The following ST6GALNAC3 variants were observed in gnomAD, a reference collection of about 807,000 sequenced individuals.
ST6GALNAC3 encodes alpha-N-acetylgalactosaminide alpha-2,6-sialyltransferase 3.
Under a neutral mutation model 32.7 loss-of-function variants are expected in ST6GALNAC3, and 25 were observed. That is an observed-to-expected ratio of 0.76 (90% CI 0.56 to 1.07). The LOEUF (loss-of-function observed/expected upper bound fraction) is 1.07. ST6GALNAC3 is among the 50% of genes least tolerant of loss of function. ST6GALNAC3 has a pLI of 0.00. For missense variants in ST6GALNAC3, 355 were observed against 382.4 expected (o/e 0.93, Z 0.60); for synonymous variants, 129 against 133.1 (o/e 0.97, Z 0.21).
intron 3 of ST6GALNAC3, among the ~76,000 whole-genome samples, chr1:76,490,348 T>C (rs893037256): frequency 2.0e-5 from 3 of 151,948 alleles, no homozygotes; most frequent in Non-Finnish European, 4.4e-5. Flanking sequence ...AAATCTGCAT[T>C]TAGTAGGTTG....
intron 1 of ST6GALNAC3, among the ~76,000 whole-genome samples, chr1:76,210,390 T>G (rs1045723314): frequency 6.6e-6 from 1 of 152,228 alleles, no homozygotes; most frequent in African/African-American, 2.4e-5. Flanking sequence ...ACATTTCTAT[T>G]TAGCAGGTGT....
chr1:76,509,032 T>C lies in ST6GALNAC3; in HGVS notation c.623+96615T>C, dbSNP rs1661663651. Among the ~76,000 whole-genome samples, 1 of 152,066 alleles carries C rather than the reference T, an allele frequency of 6.6e-6. No individual in the cohort carries two copies. The highest frequency in any genetic ancestry group is 2.4e-5 in the African/African-American group (1 of 41,390). On this transcript the variant is annotated intron_variant, in intron 3 of 4. Coordinates refer to ENST00000328299, the MANE Select transcript of ST6GALNAC3 (RefSeq NM_152996.4). This position sits in a 1 kb window ranked among gnomAD's most constrained non-coding sequence, Gnocchi z 5.5. ...AGGTCTGGGATGCTTCTAACATGAG[T>C]CTAAGAGTTGAACAGCTTGTCATTT...
At chr1:76,468,719 TAAGGG>T (rs1658819159) in intron 3 of ST6GALNAC3, among the ~76,000 whole-genome samples, 1 of 152,046 alleles carries the variant, frequency 6.6e-6, no homozygotes, top group Non-Finnish European at 1.5e-5. Flanking sequence ...GCTAAGGGAC[TAAGGG>T]ATTCCCTGTC....
At chr1:76,573,399 G>C (rs1299158426) in intron 3 of ST6GALNAC3, among the ~76,000 whole-genome samples, 1 of 152,054 alleles carries the variant, frequency 6.6e-6, no homozygotes, top group Non-Finnish European at 1.5e-5. Flanking sequence ...CCAACACCCA[G>C]AGTGGTGTTC....
At chr1:76,300,442 G>A (rs983564370) in intron 1 of ST6GALNAC3, among the ~76,000 whole-genome samples, 1 of 151,904 alleles carries the variant, frequency 6.6e-6, no homozygotes, top group Admixed American at 6.6e-5. Flanking sequence ...AAACTCAGGA[G>A]CCAGCAGTGA....
chr1:76,097,749 A>T (rs1647160016), intron 1 of ST6GALNAC3, among the ~76,000 whole-genome samples: 1 of 152,072 alleles, frequency 6.6e-6, no homozygotes, highest in Non-Finnish European at 1.5e-5. Context: ...TTGGCCATTG[A>T]TGCATATTTG....
intron 3 of ST6GALNAC3, among the ~76,000 whole-genome samples, chr1:76,427,033 G>A (rs1655440981): frequency 6.6e-6 from 1 of 152,038 alleles, no homozygotes; most frequent in African/African-American, 2.4e-5. Flanking sequence ...AATGATTACT[G>A]TTTGGCTTTT....
At chr1:76,220,173 G>A (rs1455320504) in intron 1 of ST6GALNAC3, among the ~76,000 whole-genome samples, 1 of 152,110 alleles carries the variant, frequency 6.6e-6, no homozygotes, top group Non-Finnish European at 1.5e-5. Flanking sequence ...AATTTCACCA[G>A]AAGTATGAAG....
chr1:76,088,247 C>A (rs1251576), intron 1 of ST6GALNAC3, among the ~76,000 whole-genome samples: 1 of 151,958 alleles, frequency 6.6e-6, no homozygotes, highest in Non-Finnish European at 1.5e-5. Context: ...ACAGATGCGC[C>A]TATGACCACA....
chr1:76,460,452 C>T (rs1658203384), intron 3 of ST6GALNAC3, among the ~76,000 whole-genome samples: 1 of 152,176 alleles, frequency 6.6e-6, no homozygotes, highest in South Asian at 2.1e-4. Flanking sequence ...TCTTTGTCCA[C>T]TATTCACTAA....
chr1:76,577,648 G>C (rs1646831533), intron 3 of ST6GALNAC3, among the ~76,000 whole-genome samples: 1 of 151,928 alleles, frequency 6.6e-6, no homozygotes, highest in Non-Finnish European at 1.5e-5. Context: ...CACCCTCAGA[G>C]CATCAAGGCA....
At chr1:76,131,016 C>A (rs1359444546) in intron 1 of ST6GALNAC3, among the ~76,000 whole-genome samples, 1 of 152,240 alleles carries the variant, frequency 6.6e-6, no homozygotes, top group East Asian at 1.9e-4. Flanking sequence ...TTTGTGCCAC[C>A]TTGACAAGGG....
At chr1:76,225,771 G>A (rs1474555636) in intron 1 of ST6GALNAC3, among the ~76,000 whole-genome samples, 2 of 152,160 alleles carry the variant, frequency 1.3e-5, no homozygotes, top group Admixed American at 6.6e-5. Flanking sequence ...AAATTGGGAT[G>A]AGAGGCAATG....
intron 2 of ST6GALNAC3, among the ~76,000 whole-genome samples, chr1:76,385,472 ACTCTCTGC>A (rs887625658): frequency 1.3e-5 from 2 of 152,038 alleles, no homozygotes; most frequent in African/African-American, 4.8e-5. Context: ...AGTCACTTAA[ACTCTCTGC>A]ATCTCAGTTT....
chr1:76,367,066 A>G (rs1481385563), intron 2 of ST6GALNAC3, among the ~76,000 whole-genome samples: 2 of 152,214 alleles, frequency 1.3e-5, no homozygotes, highest in Non-Finnish European at 2.9e-5. Flanking sequence ...ACTACAGAAA[A>G]GAGAACATTA....
chr1:76,219,290 C>T lies in ST6GALNAC3; in HGVS notation c.19-94515C>T, dbSNP rs561424259. The stretch of plus-strand genomic sequence containing the variant: ...CAAGGTTGAATAATCTTTCTTTCTT[C>T]TCTCTTAGCTATTTCCCAGCCCCTC... On this transcript the variant is annotated intron_variant, in intron 1 of 4. Coordinates refer to ENST00000328299, the MANE Select transcript of ST6GALNAC3 (RefSeq NM_152996.4). Among the ~76,000 whole-genome samples the T allele has an allele frequency of 5.9e-5, 9 of 152,312 alleles. No homozygotes were observed. In the South Asian group the frequency reaches 1.9e-3, roughly 32 times the overall value.
At chr1:76,600,678 G>A (rs539057386) in intron 3 of ST6GALNAC3, among the ~76,000 whole-genome samples, 11 of 152,186 alleles carry the variant, frequency 7.2e-5, no homozygotes, top group African/African-American at 2.2e-4. Context: ...TGTCTTGTAC[G>A]TTTTAAAACA....
intron 3 of ST6GALNAC3, among the ~76,000 whole-genome samples, chr1:76,484,404 G>A (rs1659956357): frequency 6.6e-6 from 1 of 152,190 alleles, no homozygotes; most frequent in African/African-American, 2.4e-5. Flanking sequence ...TCGTTGAGCA[G>A]TGGTTTGTAG....
At chr1:76,518,502 ATTCT>A (rs1380162963) in intron 3 of ST6GALNAC3, among the ~76,000 whole-genome samples, 1 of 150,882 alleles carries the variant, frequency 6.6e-6, no homozygotes, top group East Asian at 1.9e-4. Context: ...TTTTTTCTTC[ATTCT>A]TTCTTTAGTA....
Sources: allele counts gnomAD v4.1 joint callset (sites outside exome capture counted in the v4.1 genomes callset), GRCh38; gene constraint gnomAD v4.1.1; non-coding constraint Gnocchi (gnomAD v3.1); transcripts MANE v1.5; gene names NCBI Gene and HGNC (gene_info 2026-07-23, HGNC 2026-07-21).